Variants in PPP4R3B observed in about 807,000 individuals in gnomAD.
The protein encoded by PPP4R3B is protein phosphatase 4 regulatory subunit 3B.
In PPP4R3B, 52 loss-of-function variants were observed where a neutral mutation model predicts 95.4. That is an observed-to-expected ratio of 0.54 (90% confidence interval 0.44 to 0.69). The LOEUF (loss-of-function observed/expected upper bound fraction) is 0.69. PPP4R3B is among the 30% of genes least tolerant of loss of function. The pLI, the probability that PPP4R3B is intolerant of heterozygous loss-of-function variation, is 0.00. For synonymous variants in PPP4R3B, 407 were observed against 343.9 expected (o/e 1.18, Z -2.03); for missense variants, 1,003 against 1,005.9 (o/e 1.00, Z 0.04).
chr2:55,568,073 G>A (rs915909933), intron 13 of PPP4R3B, 121 bp downstream of exon 13: 3 of 584,150 alleles, frequency 5.1e-6, no homozygotes, highest in East Asian at 3.5e-5. Flanking sequence ...TAAGACACAT[G>A]GAATATATAA....
At chr2:55,565,062 C>T (rs759705928) in intron 13 of PPP4R3B, 21 bp from the exon 14 acceptor site, 14 of 1,524,758 alleles carry the variant, frequency 9.2e-6, no homozygotes, top group East Asian at 2.3e-5. Context: ...ACAAAATTTA[C>T]ATTTAAAATA....
intron 16 of PPP4R3B, among the ~76,000 whole-genome samples, chr2:55,554,303 C>T (rs1685577787): frequency 6.6e-6 from 1 of 152,204 alleles, no homozygotes; most frequent in Non-Finnish European, 1.5e-5. Flanking sequence ...ATGCTCCTGC[C>T]TCGGCCTCCC....
chr2:55,616,084 A>C (rs1694886597), intron 1 of PPP4R3B, among the ~76,000 whole-genome samples: 1 of 152,152 alleles, frequency 6.6e-6, no homozygotes, highest in African/African-American at 2.4e-5. Context: ...AGGAATGAGG[A>C]GACTAGATGA....
chr2:55,600,493 T>C (rs1692414118), intron 3 of PPP4R3B, among the ~76,000 whole-genome samples: 1 of 124,668 alleles, frequency 8.0e-6, no homozygotes, highest in Admixed American at 8.6e-5. Flanking sequence ...TTAAGTAATA[T>C]GGCGCTTACT....
At chr2:55,564,839 T>C in intron 14 of PPP4R3B, 63 bp downstream of exon 14, 1 of 1,566,744 alleles carries the variant, frequency 6.4e-7, no homozygotes, top group Non-Finnish European at 8.6e-7. Flanking sequence ...ATGGAAAATC[T>C]GAACTACAAA....
chr2:55,549,668 T>G lies in PPP4R3B; in HGVS notation c.*243A>C. The G allele has an allele frequency of 4.5e-6, 2 of 440,906 alleles. No homozygotes were observed. Among genetic ancestry groups the G allele is most frequent in the Non-Finnish European group, 8.0e-6 (2 of 250,370 alleles). 27.3% of individuals were successfully genotyped at this position (440,906 alleles called of 1,614,324 possible). A position where few individuals can be genotyped will look rare whatever the true frequency, so the allele number is the denominator to read the frequency against. ...CTTGCTGAGAAGCTGTCTCCCAGGT[T>G]CTGGTTACTAATGTTTGTTTTGACA... On this transcript the variant is annotated 3_prime_UTR_variant, in exon 17 of 17. Transcript: ENST00000616407.
At chr2:55,612,771 C>T (rs1486542395) in intron 2 of PPP4R3B, among the ~76,000 whole-genome samples, 2 of 151,904 alleles carry the variant, frequency 1.3e-5, no homozygotes, top group African/African-American at 2.4e-5. Context: ...GGTGAAACCC[C>T]ATCTCTACTA....
chr2:55,564,735 C>G (rs1428773212), intron 14 of PPP4R3B, among the ~76,000 whole-genome samples, 167 bp downstream of exon 14: 1 of 152,130 alleles, frequency 6.6e-6, no homozygotes, highest in Admixed American at 6.5e-5. Flanking sequence ...AGTAATTCAA[C>G]ATATAAATGA....
chr2:55,612,594 G>T (rs1426554421), intron 2 of PPP4R3B, among the ~76,000 whole-genome samples: 4 of 151,956 alleles, frequency 2.6e-5, no homozygotes, highest in Non-Finnish European at 5.9e-5. Context: ...TTTTTTAAAG[G>T]TGCAAATTTA....
intron 3 of PPP4R3B, among the ~76,000 whole-genome samples, chr2:55,602,681 GAAGT>G (rs372572355): frequency 6.6e-6 from 1 of 152,344 alleles, no homozygotes; most frequent in East Asian, 1.9e-4. Flanking sequence ...ACTGCTGGGA[GAAGT>G]AAGTGCTGTC....
chr2:55,603,504 TAAAA>T (rs1477009999), intron 3 of PPP4R3B, among the ~76,000 whole-genome samples: 95 of 152,326 alleles, frequency 6.2e-4, no homozygotes, highest in African/African-American at 2.2e-3. Context: ...AGGTTTCTTT[TAAAA>T]AAATTCTAGT....
intron 4 of PPP4R3B, among the ~76,000 whole-genome samples, chr2:55,593,281 A>G (rs529734729): frequency 3.3e-5 from 5 of 152,332 alleles, no homozygotes; most frequent in Non-Finnish European, 1.5e-5. Context: ...TGTCCCTATC[A>G]TGCTTAAGAT....
chr2:55,579,735 A>G lies in PPP4R3B; in HGVS notation c.1412T>C (p.Met471Thr). Reference protein sequence around the residue: ...EFLNFFYNHCMHVLTAPLLTN... With the variant: ...EFLNFFYNHCTHVLTAPLLTN... ...CAAAAGTGGTGCTGTGAGAACATGC[A>G]TACAATGGTTGTAGAAAAAATTTAG... is the stretch of plus-strand genomic sequence containing the variant. The change falls in exon 9 of 17, where the codon ATG becomes ACG. Residue 471 changes from methionine to threonine, a missense_variant. Met to Thr is a moderately conservative substitution (Grantham distance 81). Transcript: ENST00000616407. The G allele has an allele frequency of 6.2e-7, 1 of 1,607,720 alleles. No homozygotes were observed. The highest frequency in any genetic ancestry group is 2.2e-5 in the East Asian group (1 of 44,580).
chr2:55,579,269 A>G (rs769411059), intron 9 of PPP4R3B, among the ~76,000 whole-genome samples: 1 of 152,148 alleles, frequency 6.6e-6, no homozygotes, highest in Non-Finnish European at 1.5e-5. Flanking sequence ...ATGAATGTGC[A>G]TTTGGAGGCT....
chr2:55,563,605 C>T (rs1216197095), intron 15 of PPP4R3B, among the ~76,000 whole-genome samples: 2 of 152,098 alleles, frequency 1.3e-5, no homozygotes, highest in Non-Finnish European at 2.9e-5. Context: ...AACTCCTGGG[C>T]TCAAATGATC....
intron 2 of PPP4R3B, among the ~76,000 whole-genome samples, chr2:55,611,103 C>A (rs537875622): frequency 6.6e-6 from 1 of 152,082 alleles, no homozygotes; most frequent in Non-Finnish European, 1.5e-5. Context: ...CTAAAGTGAT[C>A]CTCCTGCCTC....
intron 7 of PPP4R3B, among the ~76,000 whole-genome samples, chr2:55,582,950 T>G (rs543326016): frequency 2.0e-5 from 3 of 152,126 alleles, no homozygotes; most frequent in Non-Finnish European, 4.4e-5. Flanking sequence ...AAGATGACAT[T>G]ATTGCTAAAT....
chr2:55,575,079 A>G (rs1336614349), intron 11 of PPP4R3B, among the ~76,000 whole-genome samples: 1 of 150,146 alleles, frequency 6.7e-6, no homozygotes, highest in Admixed American at 6.7e-5. Context: ...CTGGGACTAC[A>G]GGCGCCCGCC....
At chr2:55,557,818 A>G (rs1273559392) in intron 16 of PPP4R3B, among the ~76,000 whole-genome samples, 1 of 152,144 alleles carries the variant, frequency 6.6e-6, no homozygotes, top group Non-Finnish European at 1.5e-5. Flanking sequence ...TTGGGGAAAA[A>G]GGATGATTTC....
Sources: gnomAD v4.1 joint callset for allele counts (sites outside exome capture counted in the v4.1 genomes callset) on GRCh38, gnomAD v4.1.1 for gene constraint, MANE v1.5 for transcripts, NCBI Gene and HGNC (gene_info 2026-07-23, HGNC 2026-07-21) for gene names.